The following HTR3B variants were observed in gnomAD, a reference collection of about 807,000 sequenced individuals.
HTR3B encodes 5-hydroxytryptamine (serotonin) receptor 3B, ionotropic.
Under a neutral mutation model 42.8 loss-of-function variants are expected in HTR3B, and 44 were observed. That is an observed-to-expected ratio of 1.03 (90% CI 0.81 to 1.32). The LOEUF (loss-of-function observed/expected upper bound fraction) is 1.32. Ranked by LOEUF, HTR3B falls within the 40% of genes most tolerant of loss-of-function variation. The pLI is 0.00. For synonymous variants in HTR3B, 203 were observed against 209.0 expected (o/e 0.97, Z 0.25); for missense variants, 527 against 536.5 (o/e 0.98, Z 0.17).
rs1057184405 is a variant in HTR3B at position 113,946,898 on chromosome 11, A to G, written c.*761A>G. 2.0e-5 allele frequency among the ~76,000 whole-genome samples: 3 copies of G among 152,216 alleles called. No individual in the cohort carries two copies. Among genetic ancestry groups the G allele is most frequent in the African/African-American group, 7.2e-5 (3 of 41,458 alleles). On this transcript the variant is annotated 3_prime_UTR_variant, in exon 9 of 9. Coordinates refer to ENST00000260191, the MANE Select transcript of HTR3B (RefSeq NM_006028.5). ...GGCATTATGTTAGGCACACCAGAGA[A>G]TACAAAATAAGTCAGCACAGGTTAT...
At chr11:113,920,949 A>T (rs1949905794) in intron 2 of HTR3B, among the ~76,000 whole-genome samples, 1 of 151,290 alleles carries the variant, frequency 6.6e-6, no homozygotes, top group East Asian at 2.0e-4. Context: ...AGTAGCTGGG[A>T]TTACAGGTGC....
upstream of HTR3B, among the ~76,000 whole-genome samples, chr11:113,902,647 C>T (rs1470938660): frequency 6.6e-6 from 1 of 152,190 alleles, no homozygotes; most frequent in Non-Finnish European, 1.5e-5. Context: ...CAAGGACATT[C>T]TTTTGCATAA....
intron 5 of HTR3B, among the ~76,000 whole-genome samples, chr11:113,932,728 A>G (rs1170332080): frequency 6.6e-6 from 1 of 152,178 alleles, no homozygotes; most frequent in Non-Finnish European, 1.5e-5. Flanking sequence ...CAGAGAGTGT[A>G]TTCCAAGCCA....
intron 1 of HTR3B, among the ~76,000 whole-genome samples, chr11:113,905,601 T>C (rs1949728369): frequency 6.6e-6 from 1 of 152,224 alleles, no homozygotes; most frequent in Non-Finnish European, 1.5e-5. Flanking sequence ...TCTAAATTTC[T>C]AGAACTATAT....
chr11:113,907,432 C>T (rs1190593564), intron 1 of HTR3B, among the ~76,000 whole-genome samples: 4 of 152,184 alleles, frequency 2.6e-5, no homozygotes, highest in African/African-American at 7.2e-5. Context: ...GGCAAATTTG[C>T]ATTCATAGTA....
intron 2 of HTR3B, among the ~76,000 whole-genome samples, chr11:113,930,592 A>G (rs1366727493): frequency 6.7e-6 from 1 of 150,124 alleles, no homozygotes; most frequent in Non-Finnish European, 1.5e-5. Flanking sequence ...GGACTCAAGC[A>G]ATCCTTCCAC....
upstream of HTR3B, among the ~76,000 whole-genome samples, chr11:113,902,209 T>G (rs2137476478): frequency 6.6e-6 from 1 of 152,330 alleles, no homozygotes; most frequent in African/African-American, 2.4e-5. Context: ...ATTGGATGGA[T>G]AGTACAAAGA....
chr11:113,906,270 G>C (rs1353899377), intron 1 of HTR3B, among the ~76,000 whole-genome samples: 1 of 152,124 alleles, frequency 6.6e-6, no homozygotes, highest in Non-Finnish European at 1.5e-5. Context: ...TACAAATCAA[G>C]ATGATTTGTT....
intron 2 of HTR3B, among the ~76,000 whole-genome samples, chr11:113,924,705 C>T (rs1037530069): frequency 2.0e-5 from 3 of 150,208 alleles, no homozygotes; most frequent in African/African-American, 7.3e-5. Context: ...TTTCAGCTAC[C>T]AGGACTCCCG....
intron 2 of HTR3B, among the ~76,000 whole-genome samples, chr11:113,923,144 A>G (rs1050835004): frequency 7.9e-5 from 12 of 152,200 alleles, no homozygotes; most frequent in African/African-American, 1.2e-4. Context: ...TTAGTTCCAG[A>G]GGCAGGGACA....
chr11:113,943,966 G>A (rs1950156684), intron 7 of HTR3B, among the ~76,000 whole-genome samples: 1 of 151,962 alleles, frequency 6.6e-6, no homozygotes, highest in African/African-American at 2.4e-5. Flanking sequence ...GCTGAGGTGG[G>A]AGGATTGCTT....
In HTR3B at chr11:113,904,810, T is replaced by C; in HGVS notation, c.-124T>C. The C allele has an allele frequency of 1.3e-6, 1 of 750,020 alleles. No individual in the cohort carries two copies. Among genetic ancestry groups the C allele is most frequent in the Non-Finnish European group, 2.4e-6 (1 of 416,296 alleles). 46.5% of individuals were successfully genotyped at this position (750,020 alleles called of 1,614,324 possible). A position where few individuals can be genotyped will look rare whatever the true frequency, so the allele number is the denominator to read the frequency against. ...GTTTACAAAATAGCACCAGTAAGGA[T>C]AGCATCAACTGGCAAACGGAGAAGG... On this transcript the variant is annotated 5_prime_UTR_variant, in exon 1 of 9. Coordinates refer to ENST00000260191, the MANE Select transcript of HTR3B (RefSeq NM_006028.5).
intron 6 of HTR3B, among the ~76,000 whole-genome samples, chr11:113,939,702 G>A (rs923520987): frequency 2.6e-5 from 4 of 152,142 alleles, no homozygotes; most frequent in Non-Finnish European, 5.9e-5. Context: ...ACATAGGGAC[G>A]TGCTGTAGAG....
chr11:113,932,117 C>T (rs550436007), intron 4 of HTR3B, among the ~76,000 whole-genome samples, 172 bp from the exon 5 acceptor site: 14 of 152,302 alleles, frequency 9.2e-5, no homozygotes, highest in African/African-American at 3.1e-4. Flanking sequence ...ACGAGGCTGT[C>T]ACTGAAAAGC....
intron 7 of HTR3B, among the ~76,000 whole-genome samples, chr11:113,943,869 AAAG>A (rs1950155918): frequency 6.6e-6 from 1 of 151,644 alleles, no homozygotes; most frequent in Non-Finnish European, 1.5e-5. Flanking sequence ...GAAAGAGAGA[AAAG>A]AAGGAAGGAA....
At chr11:113,930,098 G>A (rs1186290272) in intron 2 of HTR3B, among the ~76,000 whole-genome samples, 2 of 152,108 alleles carry the variant, frequency 1.3e-5, no homozygotes, top group Non-Finnish European at 2.9e-5. Flanking sequence ...AGTTCTTTAT[G>A]TCCTGGATAC....
chr11:113,920,321 C>T (rs1949900725), intron 2 of HTR3B, among the ~76,000 whole-genome samples: 1 of 152,066 alleles, frequency 6.6e-6, no homozygotes, highest in Non-Finnish European at 1.5e-5. Context: ...AGCCACCGCG[C>T]CTGGCCCAGA....
chr11:113,903,153 G>A (rs1194662639), upstream of HTR3B, among the ~76,000 whole-genome samples: 4 of 152,046 alleles, frequency 2.6e-5, no homozygotes, highest in African/African-American at 9.7e-5. Context: ...TTACAGGTAT[G>A]AGCCATTGCA....
intron 6 of HTR3B, among the ~76,000 whole-genome samples, chr11:113,937,437 G>A (rs1367841327): frequency 6.6e-6 from 1 of 152,154 alleles, no homozygotes; most frequent in Non-Finnish European, 1.5e-5. Context: ...ATAAATGAAG[G>A]CTCCTGACAT....
Sources: allele counts gnomAD v4.1 joint callset (sites outside exome capture counted in the v4.1 genomes callset), GRCh38; gene constraint gnomAD v4.1.1; transcripts MANE v1.5; gene names NCBI Gene and HGNC (gene_info 2026-07-23, HGNC 2026-07-21).